GLS: variants seen among roughly 807,000 people sequenced by gnomAD.
GLS encodes the protein glutaminase kidney isoform, mitochondrial.
A neutral mutation model predicts 86.7 loss-of-function variants in GLS; 36 were observed. The observed-to-expected ratio is 0.42, with a 90% CI of 0.32 to 0.55. GLS has a LOEUF of 0.55. GLS is among the 20% of genes least tolerant of loss of function. The pLI, the probability that GLS is intolerant of heterozygous loss-of-function variation, is 0.17. For missense variants in GLS, 528 were observed against 833.4 expected, an observed-to-expected ratio of 0.63 and a Z score of 4.51; for synonymous variants, 317 against 305.9, an observed-to-expected ratio of 1.04 and a Z score of -0.38.
chr2:190,923,487 C>T (rs1039266910), intron 9 of GLS, among the ~76,000 whole-genome samples: 2 of 152,184 alleles, frequency 1.3e-5, no homozygotes, highest in African/African-American at 4.8e-5. Flanking sequence ...CTGCAAGATC[C>T]ATTTTGTGTT....
chr2:190,913,611 A>AT lies in GLS; in HGVS notation c.1038+3293dup, dbSNP rs1186403516. 5.2e-6 allele frequency: 5 copies of AT among 970,092 alleles called. No individual in the cohort carries two copies. In the African/African-American group the frequency reaches 8.8e-5, roughly 17 times the overall value. 60.1% of individuals were successfully genotyped at this position (970,092 alleles called of 1,614,324 possible). ...ATATGATGTAGCAGTATCCTTACGT[A>AT]TTTGTTTTCTTTTCACTGGTAAAAA... On this transcript the variant is annotated intron_variant, in intron 7 of 17. Transcript: ENST00000320717. This position sits in a 1 kb window ranked among gnomAD's most constrained non-coding sequence, Gnocchi z 6.1.
chr2:190,940,179 C>G (rs188569041), intron 14 of GLS, among the ~76,000 whole-genome samples: 1 of 151,870 alleles, frequency 6.6e-6, no homozygotes, highest in East Asian at 1.9e-4. Context: ...TTACTTAGAT[C>G]CTTGAAGTAT....
At chr2:190,937,545 A>G (rs1052091054) in intron 14 of GLS, among the ~76,000 whole-genome samples, 1 of 151,412 alleles carries the variant, frequency 6.6e-6, no homozygotes, top group Non-Finnish European at 1.5e-5. Context: ...ATAAATGCTT[A>G]TTTAACAAAG....
Position 190,913,315 on chromosome 2 carries a change from AAGCTT to A in GLS, c.1038+2996_1038+3000del. The A allele has an allele frequency of 8.0e-7, 1 of 1,251,536 alleles. No homozygotes were observed. Among genetic ancestry groups the A allele is most frequent in the Non-Finnish European group, 1.0e-6 (1 of 966,526 alleles). 77.5% of individuals were successfully genotyped at this position (1,251,536 alleles called of 1,614,324 possible). On this transcript the variant is annotated intron_variant, in intron 7 of 17. Transcript: ENST00000320717. This position sits in a 1 kb window ranked among gnomAD's most constrained non-coding sequence, Gnocchi z 6.1. ...CCTGTTGCATAAATTCTTAACTACT[AAGCTT>A]ATAGGAAAACTCCAATATTTAAAAT...
rs1018007784 is a variant in GLS at position 190,933,716 on chromosome 2, T to C, written c.1650+2079T>C. ...TCCACATAACTTTTTCTATGTTATA[T>C]TTAAATATGAATGGCAAATTTTGGT... is the stretch of plus-strand genomic sequence containing the variant. On this transcript the variant is annotated intron_variant, in intron 14 of 17. Transcript: ENST00000320717. The C allele has an allele frequency of 3.4e-6, 3 of 878,418 alleles. No homozygotes were observed. The South Asian group carries it at 1.6e-4, about 46-fold the overall frequency. The allele number at this position is 878,418 out of a possible 1,614,324, so 54.4% of individuals were successfully genotyped here.
intron 14 of GLS, among the ~76,000 whole-genome samples, chr2:190,932,055 C>T (rs556512136): frequency 1.3e-5 from 2 of 152,082 alleles, no homozygotes; most frequent in African/African-American, 2.4e-5. Context: ...TAACTTCTTG[C>T]ATACTGTGTA....
rs1390998125 is a variant in GLS at position 190,938,253 on chromosome 2, T to A, written c.1650+6616T>A. Among the ~76,000 whole-genome samples the A allele has an allele frequency of 1.6e-4, 25 of 151,548 alleles. No individual in the cohort carries two copies. Among genetic ancestry groups the A allele is most frequent in the Admixed American group, 1.6e-3 (25 of 15,210 alleles). ...TTAAAACCACAGATAATTAAAATTA[T>A]CTATTTGGAAGGCTTAGCTTTTGAA... On this transcript the variant is annotated intron_variant, in intron 14 of 17. Transcript: ENST00000320717. The surrounding 1 kb of genome is among the most constrained non-coding windows in gnomAD (Gnocchi z 4.1).
chr2:190,930,647 A>G lies in GLS; in HGVS notation c.1557+79A>G. 3 of 1,359,762 alleles carry G rather than the reference A, an allele frequency of 2.2e-6. No homozygotes were observed. Among genetic ancestry groups the G allele is most frequent in the East Asian group, 2.3e-5 (1 of 42,858 alleles). The allele number at this position is 1,359,762 out of a possible 1,614,324, so 84.2% of individuals were successfully genotyped here. A position where few individuals can be genotyped will look rare whatever the true frequency, so the allele number is the denominator to read the frequency against. Reference sequence around the variant, plus strand: ...GATTCTTTTTTTTAACCCATTTTCCATAGTTCATTAACTCTTGGCCCTCCG... The same window carrying G: ...GATTCTTTTTTTTAACCCATTTTCCGTAGTTCATTAACTCTTGGCCCTCCG... On this transcript the variant is annotated intron_variant, in intron 13 of 17. Coordinates refer to ENST00000320717, the MANE Select transcript of GLS (RefSeq NM_014905.5). This position sits in a 1 kb window ranked among gnomAD's most constrained non-coding sequence, Gnocchi z 5.0.
rs770419477 is a variant in GLS, at chr2:190,960,359, A to ATTTTT, written c.1854-2453_1854-2449dup. Among the ~76,000 whole-genome samples, 130 of 101,480 alleles carry ATTTTT rather than the reference A, an allele frequency of 1.3e-3. 2 individuals are homozygous for ATTTTT. Among genetic ancestry groups the ATTTTT allele is most frequent in the African/African-American group, 4.5e-3 (115 of 25,322 alleles). The allele number at this position is 101,480 out of a possible 152,430, so 66.6% of individuals were successfully genotyped here. A position where few individuals can be genotyped will look rare whatever the true frequency, so the allele number is the denominator to read the frequency against. On this transcript the variant is annotated intron_variant, in intron 17 of 17. Transcript: ENST00000320717. ...TTGTGTTTCTGTTTATTAAGCTTCA[A>ATTTTT]TTTTTTTTTTTTTTTTTTTTTTGAG...
chr2:190,893,568 T>TA (rs1688633305), intron 1 of GLS, among the ~76,000 whole-genome samples: 1 of 152,150 alleles, frequency 6.6e-6, no homozygotes, highest in Non-Finnish European at 1.5e-5. Context: ...ATATTGTAGT[T>TA]ATTATTACTA....
chr2:190,880,882 G>GCAGCAA lies in GLS; in HGVS notation c.-198_-197insACAGCA, dbSNP rs1421346492. On this transcript the variant is annotated 5_prime_UTR_variant, in exon 1 of 18. Coordinates refer to ENST00000320717, the MANE Select transcript of GLS (RefSeq NM_014905.5). ...GCGGCAATCCTAGCGCGCAGCAGCAGCAGCAGCAGCAGCAGCAGCAGCAGC... is the reference window on the plus strand; with the variant it reads ...GCGGCAATCCTAGCGCGCAGCAGCAGCAGCAACAGCAGCAGCAGCAGCAGCAGCAGC... 9.2e-6 allele frequency: 4 copies of GCAGCAA among 435,838 alleles called. No individual in the cohort carries two copies. Among genetic ancestry groups the GCAGCAA allele is most frequent in the Admixed American group, 9.1e-5 (2 of 21,922 alleles). The allele number at this position is 435,838 out of a possible 1,614,324, so 27.0% of individuals were successfully genotyped here.
Position 190,880,921 on chromosome 2 carries a change from C to CAGCAGCAGCCG in GLS, c.-164_-163insAGCAGCAGCCG. ...AGCAGCAGCAGCAGCAGCAGCAGCA[C>CAGCAGCAGCCG]CCGCATCCGCTGCGGGAGTCCGAGC... On this transcript the variant is annotated 5_prime_UTR_variant, in exon 1 of 18. Coordinates refer to ENST00000320717, the MANE Select transcript of GLS (RefSeq NM_014905.5). The CAGCAGCAGCCG allele has an allele frequency of 1.3e-6, 1 of 751,614 alleles. No individual in the cohort carries two copies. Among genetic ancestry groups the CAGCAGCAGCCG allele is most frequent in the East Asian group, 3.0e-5 (1 of 32,798 alleles). The allele number at this position is 751,614 out of a possible 1,614,324, so 46.6% of individuals were successfully genotyped here.
At position 190,903,638 on chromosome 2, in the gene GLS, A is replaced by G. The variant is rs923430899; in HGVS notation, c.816-1366A>G. On this transcript the variant is annotated intron_variant, in intron 5 of 17. Coordinates refer to ENST00000320717, the MANE Select transcript of GLS (RefSeq NM_014905.5). ...ATTTTTCTCTTCTTAAACATTCTCT[A>G]TGTCTCTTAGTTTTTTTATCTAGAG... Among the ~76,000 whole-genome samples, 7 of 152,282 alleles carry G rather than the reference A, an allele frequency of 4.6e-5. 1 individual carries two copies. The highest frequency in any genetic ancestry group is 2.1e-4 in the South Asian group (1 of 4,832).
intron 13 of GLS, 86 bp from the exon 14 acceptor site, chr2:190,931,459 G>A (rs962693881): frequency 3.5e-6 from 2 of 567,044 alleles, no homozygotes; most frequent in East Asian, 2.9e-5. Context: ...TAGGCTGGAC[G>A]ATATAAGCAG....
chr2:190,944,618 A>G (rs1690535591), intron 14 of GLS, among the ~76,000 whole-genome samples: 1 of 152,192 alleles, frequency 6.6e-6, no homozygotes, highest in Non-Finnish European at 1.5e-5. Flanking sequence ...ATTGTTAGCT[A>G]CTTTTATAAT....
At chr2:190,886,195 T>C (rs1426630773) in intron 1 of GLS, among the ~76,000 whole-genome samples, 1 of 152,164 alleles carries the variant, frequency 6.6e-6, no homozygotes, top group Non-Finnish European at 1.5e-5. Flanking sequence ...TAAAAGCAAG[T>C]GAAAAAGGTA....
At chr2:190,928,892 G>GTTTTTTTTTT (rs367999647) in intron 12 of GLS, among the ~76,000 whole-genome samples, 3 of 12,826 alleles carry the variant, frequency 2.3e-4, no homozygotes, top group African/African-American at 6.2e-4. Context: ...ATTCAGGTGT[G>GTTTTTTTTTT]TTTTTTTTTT....
At chr2:190,952,021 A>T (rs576849436) in intron 14 of GLS, among the ~76,000 whole-genome samples, 1 of 152,240 alleles carries the variant, frequency 6.6e-6, no homozygotes, top group Non-Finnish European at 1.5e-5. Context: ...CCTGGCCAAC[A>T]TAGTGAGACC....
At chr2:190,909,974 G>C (rs1689300213) in intron 6 of GLS, among the ~76,000 whole-genome samples, 1 of 152,088 alleles carries the variant, frequency 6.6e-6, no homozygotes, top group Non-Finnish European at 1.5e-5. Flanking sequence ...GGAGGTCAAG[G>C]CTTCAGTGAG....
Sources: gnomAD v4.1 joint callset for allele counts (sites outside exome capture counted in the v4.1 genomes callset) on GRCh38, gnomAD v4.1.1 for gene constraint, Gnocchi (gnomAD v3.1) non-coding constraint, MANE v1.5 for transcripts, NCBI Gene and HGNC (gene_info 2026-07-23, HGNC 2026-07-21) for gene names.